PARD3: variants seen among roughly 807,000 people sequenced by gnomAD.
PARD3 encodes the protein par-3 family cell polarity regulator.
In PARD3, 75 loss-of-function variants were observed where a neutral mutation model predicts 155.4. The ratio of observed to expected loss-of-function variants is 0.48; its 90% CI spans 0.40 to 0.58. The LOEUF (loss-of-function observed/expected upper bound fraction) is 0.58. Among genes scored for constraint, PARD3 ranks in the 20% least tolerant of loss-of-function variants. PARD3 has a pLI of 0.00. For synonymous variants in PARD3, 576 were observed against 610.5 expected (o/e 0.94, Z 0.83); for missense variants, 1,642 against 1,721.7 (o/e 0.95, Z 0.82).
chr10:34,124,056 A>G (rs1271392453), intron 23 of PARD3, among the ~76,000 whole-genome samples: 2 of 152,210 alleles, frequency 1.3e-5, no homozygotes, highest in African/African-American at 4.8e-5. Flanking sequence ...ATAGTGTGTA[A>G]GTATGTGTGG....
intron 22 of PARD3, among the ~76,000 whole-genome samples, chr10:34,268,371 C>T (rs903628930): frequency 5.3e-5 from 8 of 150,564 alleles, no homozygotes; most frequent in African/African-American, 7.4e-5. Context: ...GTCAGTGTGG[C>T]GATTCCTCAA....
At position 34,526,444 on chromosome 10, in the gene PARD3, C is replaced by T. The variant is rs74132045; in HGVS notation, c.223-9285G>A. Among the ~76,000 whole-genome samples the T allele has an allele frequency of 6.6e-5, 10 of 152,298 alleles. No individual in the cohort carries two copies. The South Asian group carries it at 1.9e-3, about 28-fold the overall frequency. On this transcript the variant is annotated intron_variant, in intron 2 of 24. Transcript: ENST00000374788. ...ACCCAGAAACATAGCAGGACAGTCA[C>T]GACCAGGCAGGAGCATGCCCTGCTC... is the stretch of plus-strand genomic sequence containing the variant.
chr10:34,366,490 C>T (rs1218942803), intron 12 of PARD3, among the ~76,000 whole-genome samples: 3 of 151,936 alleles, frequency 2.0e-5, no homozygotes, highest in Non-Finnish European at 4.4e-5. Context: ...ATATGATGGG[C>T]AGGGGCTGTT....
chr10:34,409,110 T>C (rs1181412541), intron 5 of PARD3, among the ~76,000 whole-genome samples: 4 of 152,154 alleles, frequency 2.6e-5, no homozygotes, highest in African/African-American at 7.2e-5. Flanking sequence ...TCAAATGTAG[T>C]ATTTAACACA....
intron 1 of PARD3, among the ~76,000 whole-genome samples, chr10:34,740,357 A>G (rs530582705): frequency 6.6e-6 from 1 of 152,338 alleles, no homozygotes; most frequent in South Asian, 2.1e-4. Context: ...AGGATAAAAA[A>G]TGGATCAGTG....
chr10:34,611,116 T>C (rs866219854), intron 2 of PARD3, among the ~76,000 whole-genome samples: 15 of 152,158 alleles, frequency 9.9e-5, no homozygotes, highest in Admixed American at 6.6e-4. Context: ...GTCCCAAAAA[T>C]AGATGAAAAT....
At chr10:34,172,692 TTC>T (rs1446589155) in intron 22 of PARD3, among the ~76,000 whole-genome samples, 1 of 151,250 alleles carries the variant, frequency 6.6e-6, no homozygotes, top group African/African-American at 2.4e-5. Context: ...GTTACAAATC[TTC>T]TGAGATTCAT....
intron 3 of PARD3, among the ~76,000 whole-genome samples, chr10:34,473,340 A>C (rs528187690): frequency 8.5e-5 from 13 of 152,292 alleles, no homozygotes; most frequent in African/African-American, 2.9e-4. Flanking sequence ...AAATTCAGGA[A>C]GGAGTCCTAG....
intron 2 of PARD3, among the ~76,000 whole-genome samples, chr10:34,645,202 A>ATTTAT (rs951428763): frequency 6.7e-5 from 9 of 133,612 alleles, no homozygotes; most frequent in Non-Finnish European, 1.2e-4. Context: ...TTTTATTTTG[A>ATTTAT]TTTATTTTAT....
intron 19 of PARD3, among the ~76,000 whole-genome samples, chr10:34,319,428 C>T (rs548947180): frequency 3.3e-5 from 5 of 152,172 alleles, no homozygotes; most frequent in South Asian, 2.1e-4. Context: ...CTCTGAACTG[C>T]GAGTTATCTC....
chr10:34,404,646 G>A (rs533965910), intron 5 of PARD3, among the ~76,000 whole-genome samples: 1 of 151,650 alleles, frequency 6.6e-6, no homozygotes, highest in Non-Finnish European at 1.5e-5. Context: ...TCATAGCAGA[G>A]TACAGACATT....
intron 20 of PARD3, among the ~76,000 whole-genome samples, chr10:34,303,088 C>T (rs529845066): frequency 6.6e-6 from 1 of 151,728 alleles, no homozygotes; most frequent in East Asian, 1.9e-4. Context: ...AAAAAATCCA[C>T]CTGCCCATCA....
rs778796217 is a variant in PARD3, at chr10:34,375,055, C to CAA, written c.1540-54_1540-53insTT. 9.3e-5 allele frequency: 15 copies of CAA among 160,876 alleles called. No individual in the cohort carries two copies. The East Asian group carries it at 1.9e-3, about 20-fold the overall frequency. The allele number at this position is 160,876 out of a possible 1,614,324, so 10.0% of individuals were successfully genotyped here. A position where few individuals can be genotyped will look rare whatever the true frequency, so the allele number is the denominator to read the frequency against. On this transcript the variant is annotated intron_variant, in intron 10 of 24. Coordinates refer to ENST00000374788, the MANE Select transcript of PARD3 (RefSeq NM_001184785.2). ...TAATCCTGTGGAAACAACAGGAAAA[C>CAA]ACACACACACACACACACACACACA... is the stretch of plus-strand genomic sequence containing the variant.
chr10:34,113,818 T>G (rs1170269107), intron 24 of PARD3, among the ~76,000 whole-genome samples: 1 of 152,166 alleles, frequency 6.6e-6, no homozygotes, highest in Admixed American at 6.5e-5. Flanking sequence ...GAAACAGGCA[T>G]AATCTCTAAC....
chr10:34,132,236 C>T (rs2250368), intron 22 of PARD3, among the ~76,000 whole-genome samples: 35,191 of 151,986 alleles, frequency 0.23, 4,965 homozygotes, highest in Non-Finnish European at 0.3. Context: ...AACAATACGG[C>T]CTTCTTTTTG....
intron 2 of PARD3, among the ~76,000 whole-genome samples, chr10:34,667,925 G>C (rs895808769): frequency 1.3e-5 from 2 of 152,172 alleles, no homozygotes; most frequent in Non-Finnish European, 2.9e-5. Context: ...GTTACATAAA[G>C]GGGAATGAGA....
chr10:34,249,597 A>C (rs889092812), intron 22 of PARD3, among the ~76,000 whole-genome samples: 8 of 152,170 alleles, frequency 5.3e-5, no homozygotes, highest in African/African-American at 1.4e-4. Context: ...ACTCTCCCCC[A>C]AAAAACTAAG....
chr10:34,792,591 A>G (rs897703469), intron 1 of PARD3, among the ~76,000 whole-genome samples: 1 of 152,246 alleles, frequency 6.6e-6, no homozygotes, highest in Non-Finnish European at 1.5e-5. Flanking sequence ...GCAGTTCTCA[A>G]GTACACTGTT....
intron 24 of PARD3, among the ~76,000 whole-genome samples, chr10:34,116,697 CAA>C (rs769102045): frequency 1.7e-4 from 26 of 152,216 alleles, no homozygotes; most frequent in Non-Finnish European, 3.4e-4. Flanking sequence ...CTCCGCTGCC[CAA>C]ACTTACATAA....
Sources: gnomAD v4.1 joint callset for allele counts (sites outside exome capture counted in the v4.1 genomes callset) on GRCh38, gnomAD v4.1.1 for gene constraint, MANE v1.5 for transcripts, NCBI Gene and HGNC (gene_info 2026-07-23, HGNC 2026-07-21) for gene names.